Variants in SEMA5B observed in about 807,000 individuals in gnomAD.
The protein encoded by SEMA5B is semaphorin 5B, also known as semaphorin-5B.
SEMA5B carries 66 observed loss-of-function variants against 135.0 expected under a neutral mutation model. That is an observed-to-expected ratio of 0.49 (90% CI 0.40 to 0.60). The LOEUF (loss-of-function observed/expected upper bound fraction) is 0.60, where lower values mean the gene tolerates loss of function less well. Ranked by LOEUF, SEMA5B falls within the 20% of genes least tolerant of loss-of-function variation. The pLI is 0.00. For synonymous variants in SEMA5B, 690 were observed against 639.5 expected (o/e 1.08, Z -1.19); for missense variants, 1,501 against 1,566.3 (o/e 0.96, Z 0.70).
At chr3:122,916,090 G>A (rs1033153644) in intron 12 of SEMA5B, among the ~76,000 whole-genome samples, 200 bp from the exon 13 acceptor site, 1 of 152,158 alleles carries the variant, frequency 6.6e-6, no homozygotes, top group Non-Finnish European at 1.5e-5. Flanking sequence ...TTTAAATCCA[G>A]CACCCCAATG....
chr3:122,982,848 C>T (rs1378124570), intron 1 of SEMA5B, among the ~76,000 whole-genome samples: 1 of 152,226 alleles, frequency 6.6e-6, no homozygotes, highest in Non-Finnish European at 1.5e-5. Flanking sequence ...GGCCTAGGGC[C>T]AGAGTGTATT....
In SEMA5B at chr3:122,943,546, G is replaced by T; in HGVS notation, c.329-11C>A. 1 of 1,585,786 alleles carries T rather than the reference G, an allele frequency of 6.3e-7. No individual in the cohort carries two copies. Among genetic ancestry groups the T allele is most frequent in the South Asian group, 1.1e-5 (1 of 87,620 alleles). On this transcript the variant is annotated splice_polypyrimidine_tract_variant and intron_variant, in intron 3 of 22. Transcript: ENST00000357599. ...CCCACGGCTGCAGGTCTGGTGGAGGGAGAGGCAACCCTGTGGTTACTGTTG... is the reference window on the plus strand; with the variant it reads ...CCCACGGCTGCAGGTCTGGTGGAGGTAGAGGCAACCCTGTGGTTACTGTTG...
chr3:122,991,110 C>A (rs1941861936), intron 1 of SEMA5B, among the ~76,000 whole-genome samples: 1 of 152,192 alleles, frequency 6.6e-6, no homozygotes, highest in Non-Finnish European at 1.5e-5. Context: ...CCAGACTTCA[C>A]ACTGCACAGA....
At chr3:122,973,750 C>A (rs1941212505) in intron 1 of SEMA5B, among the ~76,000 whole-genome samples, 2 of 152,118 alleles carry the variant, frequency 1.3e-5, no homozygotes, top group South Asian at 4.2e-4. Context: ...CTGTCCCACT[C>A]TGGGAATCTG....
At chr3:123,005,986 T>C (rs1942299501) in intron 1 of SEMA5B, among the ~76,000 whole-genome samples, 1 of 152,218 alleles carries the variant, frequency 6.6e-6, no homozygotes, top group South Asian at 2.1e-4. Context: ...TTCTGCAACC[T>C]CTCTGAGCCT....
At chr3:122,971,884 G>A (rs190616781) in intron 1 of SEMA5B, among the ~76,000 whole-genome samples, 1 of 152,322 alleles carries the variant, frequency 6.6e-6, no homozygotes, top group African/African-American at 2.4e-5. Context: ...CTTGGGCCCC[G>A]CTGCCTCCCT....
intron 1 of SEMA5B, among the ~76,000 whole-genome samples, chr3:123,021,280 T>C (rs995767544): frequency 1.1e-4 from 16 of 152,198 alleles, no homozygotes; most frequent in African/African-American, 3.9e-4. Context: ...GGGCAATGTG[T>C]AAACCTTAAA....
intron 7 of SEMA5B, 91 bp downstream of exon 7, chr3:122,928,426 A>C (rs1938761016): frequency 2.0e-6 from 2 of 994,814 alleles, no homozygotes; most frequent in Non-Finnish European, 2.9e-6. Context: ...TGTTTGCAAA[A>C]TTTGGTAACC....
chr3:123,020,205 T>A (rs1942646604), intron 1 of SEMA5B, among the ~76,000 whole-genome samples: 1 of 152,174 alleles, frequency 6.6e-6, no homozygotes, highest in Non-Finnish European at 1.5e-5. Flanking sequence ...ACGGGGGGTT[T>A]GTTAAATAAA....
chr3:122,939,456 C>G lies in SEMA5B; in HGVS notation c.443G>C (p.Arg148Thr). 1 of 1,612,994 alleles carries G rather than the reference C, an allele frequency of 6.2e-7. No homozygotes were observed. Residue 148 changes from arginine (R) to threonine (T), a missense_variant, in exon 5 of 23, where the codon AGA (arginine) becomes ACA (threonine). This residue lies in a region of SEMA5B where 574 missense variants were observed against 684.7 expected (regional missense o/e 0.84). Transcript: ENST00000357599. ...LIVGARNYLF[R>T]LSLANVSLLQ... is the part of the protein sequence containing the mutation. ...AAGAGAGACATTGGCAAGGCTGAGT[C>G]TGAAGAGGTAGTTCCTGTGAAAATG...
chr3:123,004,332 A>T (rs1166232504), intron 1 of SEMA5B, among the ~76,000 whole-genome samples: 1 of 152,212 alleles, frequency 6.6e-6, no homozygotes, highest in Admixed American at 6.5e-5. Context: ...GCACAGCTGG[A>T]AAAAGGAAAG....
chr3:122,926,815 G>A, intron 8 of SEMA5B, 138 bp from the exon 9 acceptor site: 10 of 927,462 alleles, frequency 1.1e-5, no homozygotes, highest in Non-Finnish European at 1.5e-5. Flanking sequence ...GTGACCTGGG[G>A]GCCCTAACTA....
At chr3:122,991,136 A>G (rs1260364129) in intron 1 of SEMA5B, among the ~76,000 whole-genome samples, 1 of 152,200 alleles carries the variant, frequency 6.6e-6, no homozygotes, top group Non-Finnish European at 1.5e-5. Context: ...GACCCAAACC[A>G]GCAGCCGAGC....
intron 5 of SEMA5B, among the ~76,000 whole-genome samples, chr3:122,935,269 GT>G (rs1258742544): frequency 3.4e-5 from 5 of 146,630 alleles, no homozygotes; most frequent in Admixed American, 6.7e-5. Flanking sequence ...TAGTCATTGA[GT>G]TTTTCCAGCA....
intron 1 of SEMA5B, among the ~76,000 whole-genome samples, chr3:123,017,377 G>T (rs1942587237): frequency 6.6e-6 from 1 of 151,940 alleles, no homozygotes; most frequent in African/African-American, 2.4e-5. Flanking sequence ...GAAAGGGAAA[G>T]GAACTTATAC....
At chr3:122,954,777 C>T (rs898680741) in intron 2 of SEMA5B, among the ~76,000 whole-genome samples, 6 of 150,384 alleles carry the variant, frequency 4.0e-5, no homozygotes, top group Non-Finnish European at 7.4e-5. Context: ...AATATGGGCC[C>T]TGTGGGGTGG....
intron 4 of SEMA5B, 41 bp from the exon 5 acceptor site, chr3:122,939,511 T>G: frequency 6.4e-7 from 1 of 1,559,376 alleles, no homozygotes; most frequent in Non-Finnish European, 8.8e-7. Context: ...ACGCTGGTTC[T>G]GCAGGCAGGA....
chr3:122,991,407 T>C (rs1045992094), intron 1 of SEMA5B, among the ~76,000 whole-genome samples: 1 of 152,106 alleles, frequency 6.6e-6, no homozygotes, highest in Non-Finnish European at 1.5e-5. Flanking sequence ...CCAGGAGTAA[T>C]TTTGCCCTTG....
intron 1 of SEMA5B, among the ~76,000 whole-genome samples, chr3:122,981,146 C>G (rs1941509804): frequency 6.6e-6 from 1 of 152,246 alleles, no homozygotes; most frequent in South Asian, 2.1e-4. Context: ...TGCTTGTGCA[C>G]CCCCTCTGAG....
Sources: gnomAD v4.1 joint callset for allele counts (sites outside exome capture counted in the v4.1 genomes callset) on GRCh38, gnomAD v4.1.1 for gene constraint, gnomAD v4.1.1 regional missense constraint, MANE v1.5 for transcripts, NCBI Gene and HGNC (gene_info 2026-07-23, HGNC 2026-07-21) for gene names.